SLC4A10: variants seen among roughly 807,000 people sequenced by gnomAD.
SLC4A10 encodes the protein sodium-driven chloride bicarbonate exchanger.
In SLC4A10, 42 loss-of-function variants were observed where a neutral mutation model predicts 137.7. The observed-to-expected ratio is 0.30, with a 90% CI of 0.24 to 0.39. SLC4A10 has a LOEUF of 0.39. SLC4A10 is among the 10% of genes least tolerant of loss of function. The pLI, the probability that SLC4A10 is intolerant of heterozygous loss-of-function variation, is 1.00. For missense variants in SLC4A10, 925 were observed against 1,355.0 expected, an observed-to-expected ratio of 0.68 and a Z score of 4.98; for synonymous variants, 474 against 464.1, an observed-to-expected ratio of 1.02 and a Z score of -0.27.
chr2:161,746,390 A>T (rs1055856648), intron 1 of SLC4A10, among the ~76,000 whole-genome samples: 2 of 151,906 alleles, frequency 1.3e-5, no homozygotes, highest in African/African-American at 4.8e-5. Flanking sequence ...TGTGATGACT[A>T]CTGCACGACT....
At chr2:161,866,647 T>G (rs1393422191) in intron 6 of SLC4A10, among the ~76,000 whole-genome samples, 3 of 151,842 alleles carry the variant, frequency 2.0e-5, no homozygotes, top group Admixed American at 2.0e-4. Flanking sequence ...CTGAAAAGGG[T>G]ATGGGTGGTA....
intron 9 of SLC4A10, among the ~76,000 whole-genome samples, chr2:161,882,082 A>G (rs976754706): frequency 6.6e-6 from 1 of 151,806 alleles, no homozygotes; most frequent in Non-Finnish European, 1.5e-5. Context: ...ATTCCCAATA[A>G]CAACTGCACA....
chr2:161,715,813 T>C (rs2044802872), intron 1 of SLC4A10, among the ~76,000 whole-genome samples: 1 of 152,168 alleles, frequency 6.6e-6, no homozygotes, highest in Admixed American at 6.6e-5. Flanking sequence ...CGCACGCATG[T>C]ATCTTTATAA....
chr2:161,917,575 CTAA>C (rs1559530304), intron 15 of SLC4A10, among the ~76,000 whole-genome samples: 12 of 135,906 alleles, frequency 8.8e-5, no homozygotes, highest in Non-Finnish European at 1.4e-4. Flanking sequence ...GAGACCCTGT[CTAA>C]AAAAAAAAAA....
chr2:161,777,714 G>T (rs1362167511), intron 2 of SLC4A10, among the ~76,000 whole-genome samples: 1 of 151,864 alleles, frequency 6.6e-6, no homozygotes, highest in Non-Finnish European at 1.5e-5. Flanking sequence ...AGAACAGCAC[G>T]GGAAAGACCC....
At chr2:161,931,954 T>A (rs1409422445) in intron 15 of SLC4A10, among the ~76,000 whole-genome samples, 2 of 152,222 alleles carry the variant, frequency 1.3e-5, no homozygotes, top group African/African-American at 2.4e-5. Context: ...TCCACTATAA[T>A]GCTAGTTCTC....
At chr2:161,888,555 A>G (rs557682224) in intron 10 of SLC4A10, among the ~76,000 whole-genome samples, 14 of 152,252 alleles carry the variant, frequency 9.2e-5, no homozygotes, top group East Asian at 3.9e-4. Context: ...CTTTGTAGCA[A>G]TTGTGAATGG....
chr2:161,838,614 A>G (rs2058971460), intron 3 of SLC4A10, among the ~76,000 whole-genome samples: 2 of 152,238 alleles, frequency 1.3e-5, no homozygotes, highest in South Asian at 4.1e-4. Flanking sequence ...TGTATAAAGA[A>G]GTCTCAAAAC....
rs2063274651 is a variant in SLC4A10 at position 161,894,813 on chromosome 2, T to C, written c.1329T>C (p.Asn443=). The C allele has an allele frequency of 7.3e-7, 1 of 1,373,218 alleles. No homozygotes were observed. Among genetic ancestry groups the C allele is most frequent in the Non-Finnish European group, 9.5e-7 (1 of 1,054,950 alleles). The allele number at this position is 1,373,218 out of a possible 1,614,324, so 85.1% of individuals were successfully genotyped here. ...DPSIRIEPPK[N]VPSQEKRKIP... ...GCATTCGAATAGAGCCTCCCAAAAA[T>C]GTTCCTTCCCAGGTATGTATATTTG... Residue 443 remains asparagine, a synonymous_variant, in exon 11 of 27, where the codon AAT becomes AAC. Coordinates refer to ENST00000446997, the MANE Select transcript of SLC4A10 (RefSeq NM_001178015.2).
At chr2:161,724,102 G>A (rs1042085290) in intron 1 of SLC4A10, among the ~76,000 whole-genome samples, 2 of 152,140 alleles carry the variant, frequency 1.3e-5, no homozygotes, top group Non-Finnish European at 1.5e-5. Context: ...TTTCTCTGAA[G>A]GAGTTCAAAA....
At chr2:161,750,269 A>AT (rs144754281) in intron 1 of SLC4A10, among the ~76,000 whole-genome samples, 12,294 of 150,596 alleles carry the variant, frequency 0.082, 630 homozygotes, top group East Asian at 0.14. Context: ...CATCTTTATT[A>AT]TTCCTTCTCT....
At chr2:161,696,560 G>T (rs1013161563) in intron 1 of SLC4A10, among the ~76,000 whole-genome samples, 1 of 146,006 alleles carries the variant, frequency 6.8e-6, no homozygotes, top group Non-Finnish European at 1.5e-5. Flanking sequence ...GCAGTGTTTG[G>T]TTTTTTGTTC....
chr2:161,784,844 GA>G (rs917418921), intron 2 of SLC4A10, among the ~76,000 whole-genome samples: 15 of 141,914 alleles, frequency 1.1e-4, no homozygotes, highest in South Asian at 4.3e-4. Flanking sequence ...GAAGGGACTA[GA>G]AAAAAAAAAC....
At chr2:161,857,356 C>A (rs998476238) in intron 5 of SLC4A10, among the ~76,000 whole-genome samples, 2 of 152,124 alleles carry the variant, frequency 1.3e-5, no homozygotes, top group Admixed American at 6.5e-5. Context: ...ATCTTTCTGA[C>A]TTTGAAGTAG....
intron 3 of SLC4A10, among the ~76,000 whole-genome samples, chr2:161,806,931 A>G (rs540636524): frequency 6.6e-6 from 1 of 152,280 alleles, no homozygotes; most frequent in Non-Finnish European, 1.5e-5. Context: ...TGCTGATAAA[A>G]ACATACCTGA....
At chr2:161,962,876 T>C (rs538354821) in intron 21 of SLC4A10, among the ~76,000 whole-genome samples, 1 of 152,178 alleles carries the variant, frequency 6.6e-6, no homozygotes, top group East Asian at 1.9e-4. Flanking sequence ...AATGGACAAC[T>C]GTTCCTTTGC....
chr2:161,820,897 C>T (rs1312667609), intron 3 of SLC4A10, among the ~76,000 whole-genome samples: 1 of 152,144 alleles, frequency 6.6e-6, no homozygotes, highest in African/African-American at 2.4e-5. Flanking sequence ...TATTTACATT[C>T]CCACCAATAA....
intron 3 of SLC4A10, among the ~76,000 whole-genome samples, chr2:161,816,929 G>T (rs143682381): frequency 0.026 from 4,028 of 152,100 alleles, 166 homozygotes; most frequent in African/African-American, 0.092. Context: ...GAATAGTGCC[G>T]CAATAAACAT....
At position 161,658,861 on chromosome 2, in the gene SLC4A10, G is replaced by A. The variant is rs544953946; in HGVS notation, c.48+34295G>A. Among the ~76,000 whole-genome samples, 9 of 152,026 alleles carry A rather than the reference G, an allele frequency of 5.9e-5. No homozygotes were observed. The East Asian group carries it at 1.7e-3, about 29-fold the overall frequency. ...CTGCCTCAGCCTCCTAAAGCGCCAGGATTACAGGCATGAGCCACCGAGCCT... is the reference window on the plus strand; with the variant it reads ...CTGCCTCAGCCTCCTAAAGCGCCAGAATTACAGGCATGAGCCACCGAGCCT... On this transcript the variant is annotated intron_variant, in intron 1 of 26. Transcript: ENST00000446997.
Sources: allele counts gnomAD v4.1 joint callset (sites outside exome capture counted in the v4.1 genomes callset), GRCh38; gene constraint gnomAD v4.1.1; transcripts MANE v1.5; gene names NCBI Gene and HGNC (gene_info 2026-07-23, HGNC 2026-07-21).